ARHGAP24: variants seen among roughly 807,000 people sequenced by gnomAD.
The protein encoded by ARHGAP24 is Rho GTPase activating protein 24, also known as rho GTPase-activating protein 24.
Under a neutral mutation model 76.4 loss-of-function variants are expected in ARHGAP24, and 50 were observed. That is an observed-to-expected ratio of 0.65 (90% confidence interval 0.52 to 0.83). The LOEUF is 0.83. Among genes scored for constraint, ARHGAP24 ranks in the 40% least tolerant of loss-of-function variants. The pLI is 0.00. For missense variants in ARHGAP24, 930 were observed against 914.2 expected (o/e 1.02, Z -0.22); for synonymous variants, 345 against 323.3 (o/e 1.07, Z -0.72).
In ARHGAP24 at chr4:85,815,181, G is replaced by A. The variant is rs1578255190; in HGVS notation, c.268+93209G>A. 2.6e-5 allele frequency among the ~76,000 whole-genome samples: 4 copies of A among 152,290 alleles called. No homozygotes were observed. In the South Asian group the frequency reaches 8.3e-4, roughly 32 times the overall value. ...TCTCCCAGGCCTCCAGGACTGTGAT[G>A]GGAGGGGCTGCCATGAAGACCTCTG... On this transcript the variant is annotated intron_variant, in intron 3 of 9. Coordinates refer to ENST00000395184, the MANE Select transcript of ARHGAP24 (RefSeq NM_001025616.3).
intron 1 of ARHGAP24, among the ~76,000 whole-genome samples, chr4:85,519,197 C>G (rs1016730419): frequency 1.3e-5 from 2 of 152,126 alleles, no homozygotes; most frequent in Admixed American, 6.6e-5. Context: ...TTACAATGAC[C>G]TTGGGAATAA....
chr4:85,625,333 A>C (rs1324522269), intron 2 of ARHGAP24, among the ~76,000 whole-genome samples: 2 of 152,112 alleles, frequency 1.3e-5, no homozygotes, highest in African/African-American at 2.4e-5. Flanking sequence ...TTACGTACCT[A>C]GTAGTCATTC....
At chr4:85,666,319 GCTTCTGCATT>G (rs1014252383) in intron 2 of ARHGAP24, among the ~76,000 whole-genome samples, 11 of 152,052 alleles carry the variant, frequency 7.2e-5, no homozygotes, top group Non-Finnish European at 1.5e-4. Flanking sequence ...GGCTCCTGAG[GCTTCTGCATT>G]CTTCACGTAG....
intron 3 of ARHGAP24, chr4:85,722,381 A>AAAACAAAAAAAAAAACAAAAAACAAAC (rs1724980381): frequency 5.2e-6 from 1 of 193,112 alleles, no homozygotes; most frequent in South Asian, 9.7e-5. Flanking sequence ...GGTTTTGCAA[A>AAAACAAAAAAAAAAACAAAAAACAAAC]AAACAAAAAA....
chr4:85,509,292 A>G (rs868370047), intron 1 of ARHGAP24, among the ~76,000 whole-genome samples: 3 of 151,610 alleles, frequency 2.0e-5, no homozygotes, highest in African/African-American at 4.8e-5. Context: ...ACATGTATAC[A>G]TATGTAACTA....
chr4:85,826,400 C>T (rs1383334760), intron 3 of ARHGAP24, among the ~76,000 whole-genome samples: 1 of 152,162 alleles, frequency 6.6e-6, no homozygotes, highest in East Asian at 1.9e-4. Flanking sequence ...CTTGTTCTGC[C>T]TCAAACACTA....
intron 3 of ARHGAP24, among the ~76,000 whole-genome samples, chr4:85,828,831 T>C (rs559879052): frequency 2.6e-5 from 4 of 152,276 alleles, no homozygotes; most frequent in African/African-American, 7.2e-5. Context: ...AAAAAGGAGA[T>C]ACTTTTTAAA....
intron 3 of ARHGAP24, among the ~76,000 whole-genome samples, chr4:85,733,032 C>T (rs990979519): frequency 2.2e-5 from 3 of 138,734 alleles, no homozygotes; most frequent in South Asian, 2.3e-4. Flanking sequence ...TTGCATCAAC[C>T]AGCTATAGAT....
chr4:85,531,883 C>A (rs1205400182), intron 1 of ARHGAP24, among the ~76,000 whole-genome samples: 1 of 152,054 alleles, frequency 6.6e-6, no homozygotes, highest in Non-Finnish European at 1.5e-5. Flanking sequence ...TATCAATGAT[C>A]AATTCCCATG....
chr4:85,922,326 C>T (rs1466119648), intron 3 of ARHGAP24, among the ~76,000 whole-genome samples: 1 of 152,150 alleles, frequency 6.6e-6, no homozygotes, highest in Admixed American at 6.5e-5. Flanking sequence ...AACTTTAATG[C>T]CTGTAACTTT....
At chr4:85,936,522 T>C (rs1356158620) in intron 4 of ARHGAP24, among the ~76,000 whole-genome samples, 1 of 152,048 alleles carries the variant, frequency 6.6e-6, no homozygotes, top group Non-Finnish European at 1.5e-5. Flanking sequence ...CCGAAGCTCA[T>C]AGGATAGATA....
intron 3 of ARHGAP24, among the ~76,000 whole-genome samples, chr4:85,796,960 A>G (rs1728366769): frequency 6.6e-6 from 1 of 152,178 alleles, no homozygotes; most frequent in African/African-American, 2.4e-5. Context: ...GAGGGACTGC[A>G]GAAGCTGGGC....
chr4:85,951,423 G>A (rs1737611081), intron 5 of ARHGAP24, among the ~76,000 whole-genome samples: 1 of 151,996 alleles, frequency 6.6e-6, no homozygotes, highest in Non-Finnish European at 1.5e-5. Flanking sequence ...ATTGGGATGT[G>A]GAGACAAACT....
chr4:85,826,170 C>G (rs531443938), intron 3 of ARHGAP24, among the ~76,000 whole-genome samples: 122 of 152,238 alleles, frequency 8.0e-4, no homozygotes, highest in Non-Finnish European at 1.2e-3. Flanking sequence ...ACAACTCGAC[C>G]TCTAAAAAAT....
At chr4:85,807,894 A>T (rs1728858449) in intron 3 of ARHGAP24, among the ~76,000 whole-genome samples, 1 of 152,142 alleles carries the variant, frequency 6.6e-6, no homozygotes, top group African/African-American at 2.4e-5. Flanking sequence ...GATGTCAGCA[A>T]CTTTGCTCTG....
At chr4:85,590,335 C>G (rs893589650) in intron 2 of ARHGAP24, among the ~76,000 whole-genome samples, 3 of 143,028 alleles carry the variant, frequency 2.1e-5, no homozygotes, top group Non-Finnish European at 4.6e-5. Flanking sequence ...TCCCTTTCTT[C>G]TTTCCTCCTT....
chr4:86,000,445 CCCCACCCCCCA>C, intron 9 of ARHGAP24, 23 bp from the exon 10 acceptor site: 5 of 441,118 alleles, frequency 1.1e-5, no homozygotes, highest in Non-Finnish European at 2.0e-5. Context: ...ACTCTTGCGT[CCCCACCCCCCA>C]CCCCCCCCAA....
intron 2 of ARHGAP24, among the ~76,000 whole-genome samples, chr4:85,628,224 C>T (rs1244074337): frequency 1.3e-5 from 2 of 152,068 alleles, no homozygotes; most frequent in African/African-American, 4.8e-5. Context: ...GGCTCCTCCC[C>T]CTTAATTTCT....
At chr4:85,976,948 C>T (rs770665743) in intron 7 of ARHGAP24, among the ~76,000 whole-genome samples, 63 of 151,786 alleles carry the variant, frequency 4.2e-4, no homozygotes, top group Non-Finnish European at 6.6e-4. Flanking sequence ...GCACCCAGCT[C>T]GTTTTTGTAT....
Sources: gnomAD v4.1 joint callset for allele counts (sites outside exome capture counted in the v4.1 genomes callset) on GRCh38, gnomAD v4.1.1 for gene constraint, MANE v1.5 for transcripts, NCBI Gene and HGNC (gene_info 2026-07-23, HGNC 2026-07-21) for gene names.